Variants in TENM3 observed in about 807,000 individuals in gnomAD.
TENM3 encodes teneurin transmembrane protein 3.
A neutral mutation model predicts 255.1 loss-of-function variants in TENM3; 63 were observed. The ratio of observed to expected loss-of-function variants is 0.25; its 90% CI spans 0.20 to 0.30. The LOEUF (loss-of-function observed/expected upper bound fraction) is 0.30, where lower values mean the gene tolerates loss of function less well. Ranked by LOEUF, TENM3 falls within the 10% of genes least tolerant of loss-of-function variation. The probability of loss-of-function intolerance (pLI) is 1.00; values close to 1 mark genes in which losing one functional copy is unlikely to be tolerated. For missense variants in TENM3, 2,929 were observed against 3,461.1 expected (o/e 0.85, Z 3.86); for synonymous variants, 1,306 against 1,322.3 (o/e 0.99, Z 0.27).
chr4:181,975,714 A>C, the TENM3 span: 1 of 152,398 alleles, frequency 6.6e-6, no homozygotes, highest in Non-Finnish European at 1.5e-5. Flanking sequence ...CAGTGGTAGC[A>C]GAGGAGGGGG....
At chr4:181,902,238 G>A in the TENM3 span, among the ~76,000 whole-genome samples, 1 of 150,278 alleles carries the variant, frequency 6.7e-6, no homozygotes, top group African/African-American at 2.4e-5. Context: ...TAAGTTCCTT[G>A]TATATTCTGG....
upstream of TENM3, chr4:182,144,607 C>CCT (rs1749769512): frequency 6.7e-6 from 1 of 148,962 alleles, no homozygotes; most frequent in South Asian, 2.1e-4. Flanking sequence ...CCCGCCCCGC[C>CCT]GGCGCCCGCT....
rs1760441430 is a variant in TENM3 at position 182,728,822 on chromosome 4, G to T, written c.2369-143G>T. On this transcript the variant is annotated intron_variant, in intron 13 of 27. Coordinates refer to ENST00000511685, the MANE Select transcript of TENM3 (RefSeq NM_001080477.4). The stretch of plus-strand genomic sequence containing the variant: ...TTTCTATTTCTTCTGGTTTCAAAAA[G>T]TATGCCTCATAGAAATTACTATCAG... 36 of 650,788 alleles carry T rather than the reference G, an allele frequency of 5.5e-5. 2 individuals are homozygous for T. The South Asian group carries it at 7.1e-4, about 13-fold the overall frequency. The allele number at this position is 650,788 out of a possible 1,614,324, so 40.3% of individuals were successfully genotyped here. A position where few individuals can be genotyped will look rare whatever the true frequency, so the allele number is the denominator to read the frequency against.
At chr4:181,703,797 GT>G in the TENM3 span, among the ~76,000 whole-genome samples, 1 of 151,364 alleles carries the variant, frequency 6.6e-6, no homozygotes, top group Non-Finnish European at 1.5e-5. Context: ...TCTTTGGGGA[GT>G]TTTTTTTTCT....
the TENM3 span, among the ~76,000 whole-genome samples, chr4:181,837,118 A>G: frequency 2.0e-5 from 3 of 152,134 alleles, no homozygotes; most frequent in Admixed American, 2.0e-4. Context: ...ATTAATACTA[A>G]TGGTTTATCT....
At chr4:181,807,713 C>T in the TENM3 span, among the ~76,000 whole-genome samples, 1 of 152,128 alleles carries the variant, frequency 6.6e-6, no homozygotes, top group African/African-American at 2.4e-5. Context: ...TCATAATCAT[C>T]AAAAGAACAT....
the TENM3 span, among the ~76,000 whole-genome samples, chr4:182,110,813 C>T: frequency 1.4e-4 from 22 of 152,226 alleles, no homozygotes; most frequent in Non-Finnish European, 2.1e-4. Context: ...TAGACATTCA[C>T]GATTTGGCAT....
chr4:181,476,322 A>G, the TENM3 span, among the ~76,000 whole-genome samples: 2 of 152,080 alleles, frequency 1.3e-5, no homozygotes, highest in Non-Finnish European at 2.9e-5. Context: ...GAATGCAGCA[A>G]CAACTCATTC....
intron 6 of TENM3, among the ~76,000 whole-genome samples, chr4:182,669,414 C>T (rs6552591): frequency 0.24 from 35,905 of 151,648 alleles, 4,545 homozygotes; most frequent in Admixed American, 0.39. Flanking sequence ...GGACTACAGG[C>T]GCCCGCCACC....
At chr4:181,684,646 T>C in the TENM3 span, among the ~76,000 whole-genome samples, 1 of 152,186 alleles carries the variant, frequency 6.6e-6, no homozygotes, top group Non-Finnish European at 1.5e-5. Flanking sequence ...TAGACTGATG[T>C]CAGTGATGTT....
the TENM3 span, among the ~76,000 whole-genome samples, chr4:181,673,500 C>A: frequency 6.6e-6 from 1 of 152,090 alleles, no homozygotes; most frequent in Admixed American, 6.6e-5. Flanking sequence ...ATTTAGGAAT[C>A]ATATATTGAA....
intron 12 of TENM3, among the ~76,000 whole-genome samples, chr4:182,696,758 A>C (rs1757456900): frequency 6.6e-6 from 1 of 151,972 alleles, no homozygotes; most frequent in Non-Finnish European, 1.5e-5. Context: ...GACTTCTCTC[A>C]TGTTTGTGGT....
chr4:182,029,801 A>T, the TENM3 span, among the ~76,000 whole-genome samples: 39 of 152,282 alleles, frequency 2.6e-4, no homozygotes, highest in South Asian at 7.3e-3. Context: ...GAATATGTTT[A>T]ATTTTTTTAA....
the TENM3 span, among the ~76,000 whole-genome samples, chr4:182,051,126 C>T: frequency 6.6e-6 from 1 of 151,676 alleles, no homozygotes; most frequent in Admixed American, 6.5e-5. Flanking sequence ...GGTGGATCAC[C>T]TGAGGTCAGG....
the TENM3 span, among the ~76,000 whole-genome samples, chr4:181,577,362 G>C: frequency 6.6e-6 from 1 of 151,094 alleles, no homozygotes; most frequent in Admixed American, 6.6e-5. Flanking sequence ...TTTTCTTAAG[G>C]ATTTTCTCTT....
the TENM3 span, among the ~76,000 whole-genome samples, chr4:181,725,941 G>A: frequency 6.6e-6 from 1 of 151,834 alleles, no homozygotes; most frequent in Non-Finnish European, 1.5e-5. Flanking sequence ...CTCAAGACAT[G>A]GATTTCAAAT....
the TENM3 span, among the ~76,000 whole-genome samples, chr4:181,647,824 C>T: frequency 3.9e-5 from 6 of 152,024 alleles, no homozygotes; most frequent in Non-Finnish European, 8.8e-5. Flanking sequence ...GGAAACCGAA[C>T]GGCAGCGAGT....
the TENM3 span, among the ~76,000 whole-genome samples, chr4:181,654,852 G>C: frequency 6.6e-6 from 1 of 151,974 alleles, no homozygotes; most frequent in Admixed American, 6.6e-5. Context: ...TGAGTAGTTG[G>C]GGCTCAGCAG....
chr4:182,730,287 A>G lies in TENM3; in HGVS notation c.2673A>G (p.Glu891=). 6.2e-7 allele frequency: 1 copy of G among 1,613,826 alleles called. No individual in the cohort carries two copies. Among genetic ancestry groups the G allele is most frequent in the African/African-American group, 1.3e-5 (1 of 75,048 alleles). The change falls in exon 15 of 28, where the codon GAA becomes GAG. Residue 891 remains glutamate (E), a synonymous_variant. Coordinates refer to ENST00000511685, the MANE Select transcript of TENM3 (RefSeq NM_001080477.4). ...GVNVSFFHYP[E]YGYTITRQDG... ...ATGTCTCGTTTTTCCATTACCCAGA[A>G]TATGGATATACTATTACCCGCCAGG...
Sources: allele counts gnomAD v4.1 joint callset (sites outside exome capture counted in the v4.1 genomes callset), GRCh38; gene constraint gnomAD v4.1.1; transcripts MANE v1.5; gene names NCBI Gene and HGNC (gene_info 2026-07-23, HGNC 2026-07-21).